MECOM: variants seen among roughly 807,000 people sequenced by gnomAD.
The protein encoded by MECOM is histone-lysine N-methyltransferase MECOM.
A neutral mutation model predicts 116.3 loss-of-function variants in MECOM; 13 were observed. The observed-to-expected ratio is 0.11, with a 90% CI of 0.07 to 0.18. The LOEUF (loss-of-function observed/expected upper bound fraction) is 0.18. MECOM is among the 10% of genes least tolerant of loss of function. The pLI is 1.00. For missense variants in MECOM, 1,299 were observed against 1,509.0 expected (o/e 0.86, Z 2.31); for synonymous variants, 528 against 535.2 (o/e 0.99, Z 0.19).
chr3:169,567,151 TG>T (rs5854338), intron 1 of MECOM, among the ~76,000 whole-genome samples: 40,294 of 152,214 alleles, frequency 0.26, 5,467 homozygotes, highest in Non-Finnish European at 0.28. Context: ...CAGCCATGTC[TG>T]GGCCTAGGCC....
chr3:169,520,094 G>A (rs1471308086), intron 1 of MECOM, among the ~76,000 whole-genome samples: 1 of 152,224 alleles, frequency 6.6e-6, no homozygotes, highest in Non-Finnish European at 1.5e-5. Context: ...CAGAACCACA[G>A]TAAGAAGAGA....
At chr3:169,131,766 T>C in intron 3 of MECOM, 1 of 642,054 alleles carries the variant, frequency 1.6e-6, no homozygotes, top group Non-Finnish European at 2.4e-6. Context: ...TTCCAAATCC[T>C]ACTTCACAAA....
intron 2 of MECOM, among the ~76,000 whole-genome samples, chr3:169,262,582 T>C (rs1276988737): frequency 6.6e-6 from 1 of 152,132 alleles, no homozygotes; most frequent in African/African-American, 2.4e-5. Context: ...CTGGGCTCTT[T>C]AGAGTCTGTG....
At chr3:169,144,651 C>A (rs1055685182) in intron 2 of MECOM, among the ~76,000 whole-genome samples, 1 of 152,096 alleles carries the variant, frequency 6.6e-6, no homozygotes, top group African/African-American at 2.4e-5. Flanking sequence ...AGGGAAACTT[C>A]CATTTTTAAG....
chr3:169,548,444 C>T (rs11706777), intron 1 of MECOM, among the ~76,000 whole-genome samples: 32,921 of 152,082 alleles, frequency 0.22, 4,614 homozygotes, highest in East Asian at 0.7. Flanking sequence ...TTCATAGGTA[C>T]GCAATTAATA....
chr3:169,621,479 G>A (rs1364257926), intron 1 of MECOM, among the ~76,000 whole-genome samples: 4 of 152,170 alleles, frequency 2.6e-5, no homozygotes, highest in Non-Finnish European at 5.9e-5. Flanking sequence ...CAAGCTGGCC[G>A]GGCACGGTGG....
intron 1 of MECOM, among the ~76,000 whole-genome samples, chr3:169,572,875 G>A (rs1174407961): frequency 6.6e-6 from 1 of 152,088 alleles, no homozygotes; most frequent in Non-Finnish European, 1.5e-5. Context: ...AATACCTAAT[G>A]TAGATGACAG....
intron 1 of MECOM, among the ~76,000 whole-genome samples, chr3:169,598,702 C>T (rs1191405585): frequency 3.9e-5 from 6 of 152,148 alleles, no homozygotes; most frequent in Admixed American, 2.0e-4. Flanking sequence ...CAATTTGCAC[C>T]GCAGTTGGTG....
intron 2 of MECOM, among the ~76,000 whole-genome samples, chr3:169,246,977 C>A (rs575116148): frequency 2.6e-5 from 4 of 152,232 alleles, no homozygotes; most frequent in African/African-American, 9.6e-5. Flanking sequence ...GAAACATACA[C>A]CCAATTCTCT....
In MECOM at chr3:169,153,824, G is replaced by A. The variant is rs188714679; in HGVS notation, c.376-9992C>T. Among the ~76,000 whole-genome samples, 10 of 152,276 alleles carry A rather than the reference G, an allele frequency of 6.6e-5. No homozygotes were observed. In the East Asian group the frequency reaches 1.7e-3, roughly 26 times the overall value. ...GGAAAATAAATTGGGTAACGTGAGT[G>A]TGAACTGCCCTGAGTTCATGGGAAC... is the stretch of plus-strand genomic sequence containing the variant. On this transcript the variant is annotated intron_variant, in intron 2 of 16. Transcript: ENST00000651503.
intron 2 of MECOM, among the ~76,000 whole-genome samples, chr3:169,164,662 A>T (rs1246322680): frequency 6.6e-6 from 1 of 151,898 alleles, no homozygotes; most frequent in Non-Finnish European, 1.5e-5. Context: ...AGGCAAAATA[A>T]TTTTTTTTGT....
intron 2 of MECOM, among the ~76,000 whole-genome samples, chr3:169,264,432 A>G (rs1170955617): frequency 1.3e-5 from 2 of 152,148 alleles, no homozygotes; most frequent in African/African-American, 4.8e-5. Flanking sequence ...TAGTTGCAAG[A>G]TGCCTCAAGT....
chr3:169,433,641 G>GAAAGAAAGAAAGAAAGAAAGAA (rs1742060303), intron 1 of MECOM, among the ~76,000 whole-genome samples: 2 of 90,048 alleles, frequency 2.2e-5, no homozygotes, highest in African/African-American at 9.6e-5. Context: ...AAGAGAAAGA[G>GAAAGAAAGAAAGAAAGAAAGAA]AAAGAAAGAA....
intron 1 of MECOM, among the ~76,000 whole-genome samples, chr3:169,586,016 G>A (rs998286433): frequency 3.3e-5 from 5 of 152,048 alleles, no homozygotes; most frequent in African/African-American, 1.2e-4. Context: ...CCACAAAATT[G>A]CACCCTGTAT....
chr3:169,596,768 A>G (rs1290112562), intron 1 of MECOM, among the ~76,000 whole-genome samples: 1 of 152,204 alleles, frequency 6.6e-6, no homozygotes, highest in Non-Finnish European at 1.5e-5. Context: ...AATATAAATG[A>G]CCTCAGTGTA....
intron 1 of MECOM, among the ~76,000 whole-genome samples, chr3:169,654,815 C>G (rs200923142): frequency 1.2e-5 from 1 of 85,450 alleles, no homozygotes; most frequent in Non-Finnish European, 2.9e-5. Context: ...CCTATCAAAA[C>G]ACACACACAC....
chr3:169,510,192 T>G (rs1012457120), intron 1 of MECOM, among the ~76,000 whole-genome samples: 11 of 152,146 alleles, frequency 7.2e-5, no homozygotes, highest in African/African-American at 2.2e-4. Context: ...CTGTAATCGA[T>G]TCTCATCACT....
At chr3:169,256,293 G>T (rs1175723249) in intron 2 of MECOM, among the ~76,000 whole-genome samples, 2 of 151,500 alleles carry the variant, frequency 1.3e-5, no homozygotes, top group African/African-American at 2.4e-5. Flanking sequence ...AACCACTAGG[G>T]TGCTACTGTG....
At chr3:169,567,691 T>C (rs1301824559) in intron 1 of MECOM, among the ~76,000 whole-genome samples, 1 of 152,208 alleles carries the variant, frequency 6.6e-6, no homozygotes, top group Non-Finnish European at 1.5e-5. Context: ...CCCAGGGCTC[T>C]TTCCTGACAC....
Sources: allele counts gnomAD v4.1 joint callset (sites outside exome capture counted in the v4.1 genomes callset), GRCh38; gene constraint gnomAD v4.1.1; transcripts MANE v1.5; gene names NCBI Gene and HGNC (gene_info 2026-07-23, HGNC 2026-07-21).